SEMA3C: variants seen among roughly 807,000 people sequenced by gnomAD.
SEMA3C encodes the protein semaphorin-3C.
A neutral mutation model predicts 89.4 loss-of-function variants in SEMA3C; 47 were observed. The observed-to-expected ratio is 0.53, with a 90% CI of 0.42 to 0.67. The LOEUF is 0.67. Among genes scored for constraint, SEMA3C ranks in the 30% least tolerant of loss-of-function variants. The pLI is 0.00. For synonymous variants in SEMA3C, 310 were observed against 320.2 expected (o/e 0.97, Z 0.34); for missense variants, 839 against 929.1 (o/e 0.90, Z 1.26).
chr7:80,795,176 C>G (rs142250238), intron 11 of SEMA3C, among the ~76,000 whole-genome samples: 1 of 152,080 alleles, frequency 6.6e-6, no homozygotes, highest in Non-Finnish European at 1.5e-5. Flanking sequence ...GCAGGTGGTT[C>G]GGCTACATGA....
intron 2 of SEMA3C, among the ~76,000 whole-genome samples, chr7:80,873,612 A>C (rs1484031746): frequency 6.6e-6 from 1 of 152,156 alleles, no homozygotes; most frequent in African/African-American, 2.4e-5. Flanking sequence ...TCAGAGTTGA[A>C]GCTCTCTTCA....
rs1468399037 is a variant in SEMA3C, at chr7:80,804,259, AG to A, written c.659-12del. The A allele has an allele frequency of 2.5e-6, 4 of 1,577,592 alleles. No individual in the cohort carries two copies. The Admixed American group carries it at 7.2e-5, about 28-fold the overall frequency. On this transcript the variant is annotated splice_polypyrimidine_tract_variant and intron_variant, in intron 7 of 17. Transcript: ENST00000265361. ...CTACAAACATAGGTTCTAGAAAAAAAGGTAAAAGACTAGGTATATATTCATT... is the reference window on the plus strand; with the variant it reads ...CTACAAACATAGGTTCTAGAAAAAAAGTAAAAGACTAGGTATATATTCATT...
At chr7:80,872,699 G>A (rs1317428194) in intron 2 of SEMA3C, among the ~76,000 whole-genome samples, 1 of 149,796 alleles carries the variant, frequency 6.7e-6, no homozygotes, top group Non-Finnish European at 1.5e-5. Flanking sequence ...TACTTGAGAA[G>A]CTGAGACAGG....
At chr7:80,885,155 G>C (rs185782386) in intron 2 of SEMA3C, among the ~76,000 whole-genome samples, 2 of 152,230 alleles carry the variant, frequency 1.3e-5, no homozygotes, top group East Asian at 3.9e-4. Context: ...TGCAACTCAG[G>C]ATTTTTCCCA....
At chr7:80,845,235 T>A (rs144678196) in intron 2 of SEMA3C, among the ~76,000 whole-genome samples, 1 of 151,990 alleles carries the variant, frequency 6.6e-6, no homozygotes, top group African/African-American at 2.4e-5. Context: ...AATTTGGAAA[T>A]GGGAGACAAA....
intron 2 of SEMA3C, among the ~76,000 whole-genome samples, chr7:80,901,250 T>C (rs941249843): frequency 6.6e-6 from 1 of 152,236 alleles, no homozygotes; most frequent in Non-Finnish European, 1.5e-5. Flanking sequence ...GTAAATATCC[T>C]GTGAAAAATA....
intron 2 of SEMA3C, among the ~76,000 whole-genome samples, chr7:80,872,585 T>C (rs1791088550): frequency 6.6e-6 from 1 of 151,894 alleles, no homozygotes; most frequent in African/African-American, 2.4e-5. Context: ...GGGCGGATCA[T>C]GAGGTCAAGA....
intron 2 of SEMA3C, among the ~76,000 whole-genome samples, chr7:80,899,134 G>A (rs868811228): frequency 6.6e-6 from 1 of 152,142 alleles, no homozygotes; most frequent in Non-Finnish European, 1.5e-5. Flanking sequence ...TCCGCCGCCC[G>A]GGCTCAAGCA....
chr7:80,752,289 C>T (rs570507657), intron 15 of SEMA3C, among the ~76,000 whole-genome samples: 7 of 152,172 alleles, frequency 4.6e-5, no homozygotes, highest in South Asian at 4.1e-4. Context: ...TTAGTTGTTA[C>T]GTATTATTAG....
At chr7:80,804,031 T>C in intron 8 of SEMA3C, 75 bp downstream of exon 8, 8 of 1,324,386 alleles carry the variant, frequency 6.0e-6, no homozygotes, top group Non-Finnish European at 8.1e-6. Flanking sequence ...TAATGGTTGA[T>C]AATAAAAGCA....
At chr7:80,843,234 G>C (rs550073406) in intron 2 of SEMA3C, among the ~76,000 whole-genome samples, 1 of 152,128 alleles carries the variant, frequency 6.6e-6, no homozygotes, top group South Asian at 2.1e-4. Context: ...CAAATGATAA[G>C]TACTCAAGAT....
At chr7:80,846,282 T>C (rs921549277) in intron 2 of SEMA3C, among the ~76,000 whole-genome samples, 9 of 152,202 alleles carry the variant, frequency 5.9e-5, no homozygotes, top group African/African-American at 1.7e-4. Flanking sequence ...GAAAACATCA[T>C]GCTATGTCAT....
chr7:80,852,881 T>C (rs1034355095), intron 2 of SEMA3C, among the ~76,000 whole-genome samples: 1 of 152,014 alleles, frequency 6.6e-6, no homozygotes, highest in African/African-American at 2.4e-5. Flanking sequence ...GGTTTCACCA[T>C]GTTAGCCAGG....
At chr7:80,778,254 ACATT>A (rs1318972372) in intron 12 of SEMA3C, among the ~76,000 whole-genome samples, 3 of 152,246 alleles carry the variant, frequency 2.0e-5, no homozygotes, top group Non-Finnish European at 2.9e-5. Flanking sequence ...CTGTTTCTTT[ACATT>A]AAGAATTGTT....
chr7:80,806,410 T>C (rs1789343650), intron 6 of SEMA3C, among the ~76,000 whole-genome samples: 1 of 152,100 alleles, frequency 6.6e-6, no homozygotes. Flanking sequence ...GACTAAAAAA[T>C]GTAATCACTA....
At chr7:80,878,241 G>A (rs1791246703) in intron 2 of SEMA3C, among the ~76,000 whole-genome samples, 1 of 152,146 alleles carries the variant, frequency 6.6e-6, no homozygotes, top group Non-Finnish European at 1.5e-5. Flanking sequence ...ATTGGGCTTG[G>A]TGGCGCATGC....
At chr7:80,867,001 A>G (rs1261800624) in intron 2 of SEMA3C, among the ~76,000 whole-genome samples, 2 of 152,190 alleles carry the variant, frequency 1.3e-5, no homozygotes, top group African/African-American at 4.8e-5. Flanking sequence ...TAGGTAGAGA[A>G]AAGTGAGAGA....
At chr7:80,919,500 CT>C, upstream of SEMA3C, 1 of 454,202 alleles carries the variant, frequency 2.2e-6, no homozygotes, top group Non-Finnish European at 2.9e-6. Flanking sequence ...TCACTGCAGC[CT>C]TTTAAGGCAA....
At chr7:80,819,368 T>C (rs971816173) in intron 4 of SEMA3C, among the ~76,000 whole-genome samples, 2 of 152,214 alleles carry the variant, frequency 1.3e-5, no homozygotes, top group South Asian at 4.1e-4. Context: ...AAATGTATTC[T>C]TTACCTGAGA....
Sources: allele counts gnomAD v4.1 joint callset (sites outside exome capture counted in the v4.1 genomes callset), GRCh38; gene constraint gnomAD v4.1.1; transcripts MANE v1.5; gene names NCBI Gene and HGNC (gene_info 2026-07-23, HGNC 2026-07-21).